CORIN: variants seen among roughly 807,000 people sequenced by gnomAD.
CORIN encodes the protein atrial natriuretic peptide-converting enzyme.
CORIN carries 117 observed loss-of-function variants against 125.3 expected under a neutral mutation model. That is an observed-to-expected ratio of 0.93 (90% CI 0.80 to 1.09). The LOEUF is 1.09. Among genes scored for constraint, CORIN ranks in the 50% least tolerant of loss-of-function variants. CORIN has a pLI of 0.00. For synonymous variants in CORIN, 450 were observed against 466.4 expected (o/e 0.96, Z 0.45); for missense variants, 1,253 against 1,306.7 (o/e 0.96, Z 0.63).
intron 19 of CORIN, among the ~76,000 whole-genome samples, chr4:47,608,014 A>G (rs1341583250): frequency 6.6e-6 from 1 of 151,824 alleles, no homozygotes; most frequent in East Asian, 1.9e-4. Context: ...TCATATGACT[A>G]TTTTAGTAAA....
chr4:47,715,470 T>C (rs1333610731), intron 5 of CORIN, among the ~76,000 whole-genome samples: 2 of 152,104 alleles, frequency 1.3e-5, no homozygotes, highest in Admixed American at 1.3e-4. Flanking sequence ...AGCCGTGTGG[T>C]GGCAGATGCC....
In CORIN at chr4:47,603,585, A is replaced by G. The variant is rs778329964; in HGVS notation, c.2624T>C (p.Val875Ala). The G allele has an allele frequency of 1.4e-5, 22 of 1,614,198 alleles. No individual in the cohort carries two copies. The highest frequency in any genetic ancestry group is 1.9e-5 in the Non-Finnish European group (22 of 1,180,028). The change falls in exon 20 of 22, where the codon GTG becomes GCG. Residue 875 changes from valine (V) to alanine (A), a missense_variant. Coordinates refer to ENST00000273857, the MANE Select transcript of CORIN (RefSeq NM_006587.4). ...HPSVFMQTRF[V>A]KTIILHPRYS... ...GCGGGGATGCAGGATGATGGTCTTCACAAAGCGTGTCTGCATGAACACTGA... is the reference window on the plus strand; with the variant it reads ...GCGGGGATGCAGGATGATGGTCTTCGCAAAGCGTGTCTGCATGAACACTGA...
chr4:47,622,153 T>C (rs1478473498), intron 19 of CORIN, among the ~76,000 whole-genome samples: 1 of 151,122 alleles, frequency 6.6e-6, no homozygotes, highest in Non-Finnish European at 1.5e-5. Context: ...TCCAATTTCA[T>C]CCATGTCCCT....
At position 47,595,597 on chromosome 4, in the gene CORIN, G is replaced by T; in HGVS notation, c.*124C>A. ...CAAAACAAACATGCAAATTTGCAGT[G>T]CACGATTGAGCATTTCTGTCCATGA... On this transcript the variant is annotated 3_prime_UTR_variant, in exon 22 of 22. Transcript: ENST00000273857. The T allele has an allele frequency of 1.6e-6, 1 of 614,802 alleles. No individual in the cohort carries two copies. The highest frequency in any genetic ancestry group is 2.7e-6 in the Non-Finnish European group (1 of 373,560). 38.1% of individuals were successfully genotyped at this position (614,802 alleles called of 1,614,324 possible).
At chr4:47,741,687 T>C (rs1728403576) in intron 5 of CORIN, among the ~76,000 whole-genome samples, 1 of 152,062 alleles carries the variant, frequency 6.6e-6, no homozygotes, top group African/African-American at 2.4e-5. Context: ...GGATTTTTAA[T>C]GTGGTATATT....
At chr4:47,801,709 G>A (rs2109942820) in intron 2 of CORIN, among the ~76,000 whole-genome samples, 1 of 152,314 alleles carries the variant, frequency 6.6e-6, no homozygotes, top group Admixed American at 6.5e-5. Context: ...ATTTGGACAG[G>A]CCCAGGCCAA....
At chr4:47,662,839 G>A (rs748713321) in intron 11 of CORIN, among the ~76,000 whole-genome samples, 21 of 152,088 alleles carry the variant, frequency 1.4e-4, no homozygotes, top group Non-Finnish European at 2.5e-4. Context: ...AGGAAATTTC[G>A]GAGAAAGTTC....
At chr4:47,606,857 A>G (rs944394856) in intron 19 of CORIN, among the ~76,000 whole-genome samples, 1 of 152,032 alleles carries the variant, frequency 6.6e-6, no homozygotes, top group African/African-American at 2.4e-5. Context: ...TTGTGATTCT[A>G]TTGTTTCAGA....
At chr4:47,667,599 C>G (rs963136330) in intron 10 of CORIN, among the ~76,000 whole-genome samples, 5 of 152,086 alleles carry the variant, frequency 3.3e-5, no homozygotes, top group Non-Finnish European at 5.9e-5. Flanking sequence ...AGGACTACTT[C>G]TTAATTGAAA....
intron 10 of CORIN, among the ~76,000 whole-genome samples, chr4:47,667,903 TGTG>T (rs1382839619): frequency 1.3e-5 from 2 of 152,194 alleles, no homozygotes; most frequent in Non-Finnish European, 2.9e-5. Flanking sequence ...TAACCTCCAA[TGTG>T]GTGGTATTAG....
rs1039270495 is a variant in CORIN at position 47,832,455 on chromosome 4, T to C, written c.63+5432A>G. On this transcript the variant is annotated intron_variant, in intron 1 of 21. Transcript: ENST00000273857. ...TCTTTCTTTTCTTTTCTTTTTTTTT[T>C]TTTTTTTGAGATGGAGTCTCGCTCT... is the stretch of plus-strand genomic sequence containing the variant. 2.7e-4 allele frequency among the ~76,000 whole-genome samples: 39 copies of C among 146,880 alleles called. No individual in the cohort carries two copies. In the Middle Eastern group the frequency reaches 0.01, roughly 40 times the overall value.
chr4:47,804,230 A>C (rs920079868), intron 2 of CORIN, among the ~76,000 whole-genome samples: 4 of 152,230 alleles, frequency 2.6e-5, no homozygotes, highest in Non-Finnish European at 4.4e-5. Flanking sequence ...GATATGGAGA[A>C]AAGGGAAGCA....
chr4:47,682,454 A>G (rs2109717903), intron 7 of CORIN: 1 of 151,406 alleles, frequency 6.6e-6, no homozygotes, highest in Non-Finnish European at 1.5e-5. Flanking sequence ...AAAAAAAAAA[A>G]AAAAAAAAAG....
At chr4:47,803,288 A>G (rs1018983201) in intron 2 of CORIN, among the ~76,000 whole-genome samples, 2 of 152,250 alleles carry the variant, frequency 1.3e-5, no homozygotes, top group African/African-American at 4.8e-5. Flanking sequence ...ACTCAAAGCA[A>G]TCTGCAGATT....
In CORIN at chr4:47,665,202, A is replaced by G; in HGVS notation, c.1419T>C (p.Tyr473=). 1.2e-6 allele frequency: 2 copies of G among 1,614,060 alleles called. No homozygotes were observed. Reference sequence around the variant, plus strand: ...GAGTCCTGTGGCCAAAATAATTTGGATAACTTGTACTGTTGTAGGGCAAAT... The same window carrying G: ...GAGTCCTGTGGCCAAAATAATTTGGGTAACTTGTACTGTTGTAGGGCAAAT... The part of the protein sequence containing the change: ...CMNLPYNSTS[Y]PNYFGHRTQK... The change falls in exon 11 of 22, where the codon TAT becomes TAC. Residue 473 remains tyrosine (Y), a synonymous_variant. Coordinates refer to ENST00000273857, the MANE Select transcript of CORIN (RefSeq NM_006587.4).
intron 10 of CORIN, among the ~76,000 whole-genome samples, chr4:47,673,234 G>A (rs1724850382): frequency 6.6e-6 from 1 of 151,248 alleles, no homozygotes; most frequent in African/African-American, 2.4e-5. Flanking sequence ...AAATTAGCTG[G>A]GTGTGGTGGT....
At chr4:47,643,426 T>A (rs568421036) in intron 14 of CORIN, among the ~76,000 whole-genome samples, 170 bp from the exon 15 acceptor site, 17 of 152,210 alleles carry the variant, frequency 1.1e-4, no homozygotes, top group African/African-American at 3.8e-4. Context: ...TAAAATATCA[T>A]TTAATAGACA....
intron 1 of CORIN, 51 bp downstream of exon 1, chr4:47,837,836 T>A (rs766408655): frequency 1.4e-5 from 21 of 1,508,854 alleles, no homozygotes; most frequent in Non-Finnish European, 1.8e-5. Flanking sequence ...TCACCGGGAC[T>A]AAGAGGCCAT....
intron 16 of CORIN, among the ~76,000 whole-genome samples, chr4:47,633,146 G>C (rs1281184584): frequency 6.6e-6 from 1 of 152,100 alleles, no homozygotes; most frequent in East Asian, 1.9e-4. Flanking sequence ...ACTGTATTAG[G>C]CAAGGATCTA....
Sources: gnomAD v4.1 joint callset for allele counts (sites outside exome capture counted in the v4.1 genomes callset) on GRCh38, gnomAD v4.1.1 for gene constraint, MANE v1.5 for transcripts, NCBI Gene and HGNC (gene_info 2026-07-23, HGNC 2026-07-21) for gene names.